HCN1: variants seen among roughly 807,000 people sequenced by gnomAD.
HCN1 encodes the protein potassium/sodium hyperpolarization-activated cyclic nucleotide-gated channel 1.
Under a neutral mutation model 78.9 loss-of-function variants are expected in HCN1, and 13 were observed. The observed-to-expected ratio is 0.16, with a 90% CI of 0.11 to 0.26. HCN1 has a LOEUF of 0.26. Ranked by LOEUF, HCN1 falls within the 10% of genes least tolerant of loss-of-function variation. HCN1 has a pLI of 1.00. For synonymous variants in HCN1, 552 were observed against 455.5 expected (o/e 1.21, Z -2.70); for missense variants, 810 against 1,154.3 (o/e 0.70, Z 4.32).
intron 3 of HCN1, among the ~76,000 whole-genome samples, chr5:45,415,506 C>T (rs369849892): frequency 6.6e-6 from 1 of 152,034 alleles, no homozygotes. Flanking sequence ...GAGCTACTTG[C>T]AGTTCCCCAA....
chr5:45,531,749 C>A (rs998282065), intron 2 of HCN1, among the ~76,000 whole-genome samples: 1 of 151,970 alleles, frequency 6.6e-6, no homozygotes, highest in African/African-American at 2.4e-5. Flanking sequence ...TCCAACATGA[C>A]ATCTCTGAGG....
chr5:45,443,227 T>G lies in HCN1; in HGVS notation c.1011+18619A>C, dbSNP rs147638445. Among the ~76,000 whole-genome samples the G allele has an allele frequency of 7.4e-4, 113 of 152,216 alleles. 2 individuals carry two copies. The East Asian group carries it at 0.019, about 26-fold the overall frequency. ...GCATATACAGGGCACTGGATTGGACTGAACCTGCATTAATTCCATAGCCAA... is the reference window on the plus strand; with the variant it reads ...GCATATACAGGGCACTGGATTGGACGGAACCTGCATTAATTCCATAGCCAA... On this transcript the variant is annotated intron_variant, in intron 3 of 7. Coordinates refer to ENST00000303230, the MANE Select transcript of HCN1 (RefSeq NM_021072.4).
At chr5:45,573,157 A>G (rs1401272397) in intron 2 of HCN1, among the ~76,000 whole-genome samples, 1 of 152,174 alleles carries the variant, frequency 6.6e-6, no homozygotes, top group Non-Finnish European at 1.5e-5. Flanking sequence ...CTCTATTCAA[A>G]TTTCTTCAAA....
intron 3 of HCN1, among the ~76,000 whole-genome samples, chr5:45,416,805 TAGA>T (rs1740127613): frequency 6.6e-6 from 1 of 151,952 alleles, no homozygotes; most frequent in Admixed American, 6.6e-5. Context: ...AGTTTTCCCA[TAGA>T]AGAATAAGCT....
At chr5:45,494,327 T>C (rs1741971363) in intron 2 of HCN1, among the ~76,000 whole-genome samples, 2 of 152,236 alleles carry the variant, frequency 1.3e-5, no homozygotes, top group Admixed American at 1.3e-4. Flanking sequence ...ACTGTGGTTT[T>C]GATTTGCATT....
At chr5:45,381,764 G>C (rs1314336657) in intron 4 of HCN1, among the ~76,000 whole-genome samples, 2 of 151,988 alleles carry the variant, frequency 1.3e-5, no homozygotes, top group African/African-American at 4.8e-5. Flanking sequence ...ACATCTTCCT[G>C]GGATCTCTTA....
At chr5:45,631,327 G>A (rs1745265727) in intron 2 of HCN1, among the ~76,000 whole-genome samples, 2 of 152,072 alleles carry the variant, frequency 1.3e-5, no homozygotes, top group African/African-American at 4.8e-5. Context: ...TATAAGAAGT[G>A]AAATATATCA....
At chr5:45,694,189 T>G (rs2112106601) in intron 1 of HCN1, among the ~76,000 whole-genome samples, 1 of 152,354 alleles carries the variant, frequency 6.6e-6, no homozygotes, top group Non-Finnish European at 1.5e-5. Context: ...TTTTTAAAAT[T>G]TTTAATGAAC....
intron 2 of HCN1, chr5:45,644,337 G>A (rs1432821904): frequency 6.6e-6 from 1 of 152,038 alleles, no homozygotes; most frequent in Non-Finnish European, 1.5e-5. Flanking sequence ...AATACAAAAA[G>A]ACTTAGGAAG....
At chr5:45,440,925 C>G (rs6451802) in intron 3 of HCN1, among the ~76,000 whole-genome samples, 74,330 of 151,964 alleles carry the variant, frequency 0.49, 19,550 homozygotes, top group African/African-American at 0.68. Context: ...CTGGCTCCTA[C>G]ACATCTTCTA....
At chr5:45,656,334 A>G (rs1220964666) in intron 1 of HCN1, among the ~76,000 whole-genome samples, 3 of 152,202 alleles carry the variant, frequency 2.0e-5, no homozygotes, top group African/African-American at 7.2e-5. Flanking sequence ...CTAATCCTCA[A>G]GAAAACATGA....
At chr5:45,672,213 A>T (rs1463291168) in intron 1 of HCN1, among the ~76,000 whole-genome samples, 2 of 151,690 alleles carry the variant, frequency 1.3e-5, no homozygotes, top group East Asian at 3.9e-4. Flanking sequence ...ACATGTTACT[A>T]AATCAAATAT....
chr5:45,496,763 T>G (rs1742042622), intron 2 of HCN1, among the ~76,000 whole-genome samples: 1 of 152,204 alleles, frequency 6.6e-6, no homozygotes. Context: ...AATGTGTTGC[T>G]CTTGCTTTTC....
intron 6 of HCN1, among the ~76,000 whole-genome samples, chr5:45,275,537 C>G (rs1579771989): frequency 6.6e-6 from 1 of 152,198 alleles, no homozygotes; most frequent in South Asian, 2.1e-4. Flanking sequence ...TCTCCCTTTC[C>G]TCTTCTTTAT....
intron 2 of HCN1, among the ~76,000 whole-genome samples, chr5:45,565,334 C>A (rs1743685173): frequency 6.6e-6 from 1 of 152,128 alleles, no homozygotes; most frequent in Admixed American, 6.6e-5. Context: ...TCAACTCACC[C>A]TGTAGCCTTG....
chr5:45,514,821 T>C (rs1419295125), intron 2 of HCN1, among the ~76,000 whole-genome samples: 1 of 152,038 alleles, frequency 6.6e-6, no homozygotes, highest in East Asian at 1.9e-4. Flanking sequence ...ACAAAAAACA[T>C]CCAGACTTTA....
At chr5:45,369,378 GGCA>G (rs1358439262) in intron 4 of HCN1, among the ~76,000 whole-genome samples, 3,837 of 151,978 alleles carry the variant, frequency 0.025, 192 homozygotes, top group African/African-American at 0.089. Flanking sequence ...ATCTGCCCAT[GGCA>G]TAACTTTGTT....
At chr5:45,324,808 C>T (rs555212898) in intron 5 of HCN1, among the ~76,000 whole-genome samples, 17 of 151,572 alleles carry the variant, frequency 1.1e-4, no homozygotes, top group African/African-American at 2.9e-4. Flanking sequence ...ATAATCTCTA[C>T]GCTGACTACA....
intron 2 of HCN1, among the ~76,000 whole-genome samples, chr5:45,560,453 A>G (rs1743573864): frequency 1.3e-5 from 2 of 152,194 alleles, no homozygotes; most frequent in South Asian, 4.1e-4. Flanking sequence ...TATGTAGATA[A>G]TTATAAATAG....
Sources: gnomAD v4.1 joint callset for allele counts (sites outside exome capture counted in the v4.1 genomes callset) on GRCh38, gnomAD v4.1.1 for gene constraint, MANE v1.5 for transcripts, NCBI Gene and HGNC (gene_info 2026-07-23, HGNC 2026-07-21) for gene names.